The following DTNB variants were observed in gnomAD, a reference collection of about 807,000 sequenced individuals.
The protein encoded by DTNB is DTN-B.
DTNB carries 63 observed loss-of-function variants against 90.7 expected under a neutral mutation model. That is an observed-to-expected ratio of 0.69 (90% CI 0.57 to 0.86). DTNB has a LOEUF of 0.86. Ranked by LOEUF, DTNB falls within the 40% of genes least tolerant of loss-of-function variation. DTNB has a pLI of 0.00. For synonymous variants in DTNB, 277 were observed against 286.7 expected (o/e 0.97, Z 0.34); for missense variants, 744 against 807.1 (o/e 0.92, Z 0.95).
chr2:25,613,716 T>C (rs1050419703), intron 4 of DTNB, among the ~76,000 whole-genome samples: 10 of 150,630 alleles, frequency 6.6e-5, no homozygotes, highest in South Asian at 2.1e-4. Flanking sequence ...TCGCAACACG[T>C]TGGGAGGCCA....
chr2:25,491,148 C>CACACAG (rs1553453706), intron 9 of DTNB, among the ~76,000 whole-genome samples: 13 of 30,976 alleles, frequency 4.2e-4, no homozygotes, highest in Non-Finnish European at 8.8e-4. Context: ...CACACACACA[C>CACACAG]ACACACACAG....
intron 16 of DTNB, among the ~76,000 whole-genome samples, chr2:25,402,667 A>G (rs1012280437): frequency 2.6e-5 from 4 of 152,162 alleles, no homozygotes; most frequent in East Asian, 1.9e-4. Flanking sequence ...GTTTGTTTCC[A>G]TATCATGTCA....
At position 25,387,666 on chromosome 2, in the gene DTNB, C is replaced by G. The variant is rs74840547; in HGVS notation, c.1736-288G>C. Among the ~76,000 whole-genome samples the G allele has an allele frequency of 6.6e-6, 1 of 152,162 alleles. No individual in the cohort carries two copies. The highest frequency in any genetic ancestry group is 1.5e-5 in the Non-Finnish European group (1 of 68,016). On this transcript the variant is annotated intron_variant, in intron 17 of 20. Transcript: ENST00000406818. This position sits in a 1 kb window ranked among gnomAD's most constrained non-coding sequence, Gnocchi z 4.5. ...CTGGGTTCCAGAATAAGCATTCCAC[C>G]GAGGTCTTCCTCAGCCTTGTGGGGG...
intron 1 of DTNB, among the ~76,000 whole-genome samples, chr2:25,667,145 A>C (rs1015118459): frequency 6.6e-6 from 1 of 151,998 alleles, no homozygotes; most frequent in African/African-American, 2.4e-5. Flanking sequence ...CAAAATTAAA[A>C]AAAAAAAAAA....
chr2:25,410,276 G>T (rs962795436), intron 16 of DTNB, among the ~76,000 whole-genome samples: 9 of 152,022 alleles, frequency 5.9e-5, no homozygotes, highest in African/African-American at 2.2e-4. Flanking sequence ...AGTACAGGAG[G>T]GAAATTTAGG....
At chr2:25,553,330 G>A (rs1251602969) in intron 8 of DTNB, among the ~76,000 whole-genome samples, 1 of 152,122 alleles carries the variant, frequency 6.6e-6, no homozygotes, top group Non-Finnish European at 1.5e-5. Flanking sequence ...GAATTGCTAA[G>A]CTCCAGTTTA....
At chr2:25,636,466 C>T (rs1196085647) in intron 3 of DTNB, among the ~76,000 whole-genome samples, 1 of 152,180 alleles carries the variant, frequency 6.6e-6, no homozygotes, top group Non-Finnish European at 1.5e-5. Context: ...CACACGTAGA[C>T]TACTGTTTCC....
intron 3 of DTNB, among the ~76,000 whole-genome samples, chr2:25,631,414 T>A (rs931723353): frequency 3.3e-5 from 5 of 150,936 alleles, no homozygotes; most frequent in African/African-American, 7.3e-5. Flanking sequence ...CCACAAAAAA[T>A]TTTTTTTAAT....
chr2:25,625,548 CTCATT>C (rs1559284957), intron 4 of DTNB, among the ~76,000 whole-genome samples: 2 of 128,440 alleles, frequency 1.6e-5, no homozygotes, highest in African/African-American at 2.9e-5. Flanking sequence ...TCTTAACTCA[CTCATT>C]TTTTTTTTTT....
intron 10 of DTNB, among the ~76,000 whole-genome samples, chr2:25,456,104 A>G (rs1194369752): frequency 1.3e-5 from 2 of 152,346 alleles, no homozygotes; most frequent in African/African-American, 2.4e-5. Context: ...TTATAGATAC[A>G]TGAAAGGTCC....
chr2:25,601,842 C>T (rs946293521), intron 5 of DTNB, among the ~76,000 whole-genome samples: 4 of 152,066 alleles, frequency 2.6e-5, no homozygotes, highest in Non-Finnish European at 2.9e-5. Context: ...ATGCCACTGG[C>T]GGGGTGCGGT....
At position 25,639,025 on chromosome 2, in the gene DTNB, T is replaced by C. The variant is rs1187029102; in HGVS notation, c.137A>G (p.Lys46Arg). The change falls in exon 3 of 21, where the codon AAA (lysine) becomes AGA (arginine). Residue 46 changes from lysine to arginine, a missense_variant. Coordinates refer to ENST00000406818, the MANE Select transcript of DTNB (RefSeq NM_021907.5). ...RTACKLRFVQ[K>R]RCNLHLVDIW... ...TAGAAATGACTCACGGTTGCATCGT[T>C]TTTGTACAAATCGTAATTTGCAGGC... 1.3e-6 allele frequency: 2 copies of C among 1,590,286 alleles called. No individual in the cohort carries two copies. Among genetic ancestry groups the C allele is most frequent in the African/African-American group, 2.7e-5 (2 of 74,654 alleles).
chr2:25,572,283 C>T lies in DTNB; in HGVS notation c.876+4555G>A, dbSNP rs976829980. On this transcript the variant is annotated intron_variant, in intron 8 of 20. Transcript: ENST00000406818. ...GAGATCAAGACCATCCTAGCTAACA[C>T]GGTGAAACCCTGTCTCTACTAAAAA... 8.5e-5 allele frequency among the ~76,000 whole-genome samples: 13 copies of T among 152,150 alleles called. No individual in the cohort carries two copies. The South Asian group carries it at 2.3e-3, about 27-fold the overall frequency.
In DTNB at chr2:25,434,004, G is replaced by A. The variant is rs1400623340; in HGVS notation, c.1258-9C>T. 6.3e-7 allele frequency: 1 copy of A among 1,595,174 alleles called. No individual in the cohort carries two copies. The highest frequency in any genetic ancestry group is 8.5e-7 in the Non-Finnish European group (1 of 1,175,878). On this transcript the variant is annotated splice_polypyrimidine_tract_variant and intron_variant, in intron 12 of 20. Coordinates refer to ENST00000406818, the MANE Select transcript of DTNB (RefSeq NM_021907.5). ...TCAGTGGGAGGACGAGTCTAAAGTG[G>A]GGAAGTCGGGAGAAAGTTTTTTTTT...
At chr2:25,398,967 C>G (rs2043029879) in intron 16 of DTNB, among the ~76,000 whole-genome samples, 1 of 152,142 alleles carries the variant, frequency 6.6e-6, no homozygotes. Flanking sequence ...GGCCCTTTTT[C>G]TTCTGTAATG....
chr2:25,447,632 G>A (rs1236511577), intron 12 of DTNB, among the ~76,000 whole-genome samples: 1 of 150,400 alleles, frequency 6.6e-6, no homozygotes, highest in Non-Finnish European at 1.5e-5. Context: ...AGTTTCCCAA[G>A]AAGCTGGGAT....
chr2:25,498,254 A>T (rs1345004594), intron 9 of DTNB, among the ~76,000 whole-genome samples: 2 of 152,232 alleles, frequency 1.3e-5, no homozygotes, highest in African/African-American at 4.8e-5. Flanking sequence ...CCGGGAAATA[A>T]TTCTATTATT....
intron 11 of DTNB, among the ~76,000 whole-genome samples, chr2:25,451,997 A>G (rs1332933026): frequency 6.6e-6 from 1 of 152,250 alleles, no homozygotes; most frequent in Non-Finnish European, 1.5e-5. Flanking sequence ...CAAAAAGACC[A>G]AGAGAAAACT....
intron 4 of DTNB, among the ~76,000 whole-genome samples, chr2:25,621,007 G>A (rs2072449831): frequency 6.6e-6 from 1 of 152,028 alleles, no homozygotes; most frequent in Admixed American, 6.6e-5. Flanking sequence ...AGCCTGGGCA[G>A]CAGAGCAAGA....
Sources: allele counts gnomAD v4.1 joint callset (sites outside exome capture counted in the v4.1 genomes callset), GRCh38; gene constraint gnomAD v4.1.1; non-coding constraint Gnocchi (gnomAD v3.1); transcripts MANE v1.5; gene names NCBI Gene and HGNC (gene_info 2026-07-23, HGNC 2026-07-21).